The following CHD7 variants were observed in gnomAD, a reference collection of about 807,000 sequenced individuals.
The protein encoded by CHD7 is ATP-dependent chromatin remodeler CHD7.
CHD7 carries 24 observed loss-of-function variants against 307.3 expected under a neutral mutation model. The ratio of observed to expected loss-of-function variants is 0.08; its 90% CI spans 0.06 to 0.11. CHD7 has a LOEUF of 0.11. Among genes scored for constraint, CHD7 ranks in the 10% least tolerant of loss-of-function variants. The probability of loss-of-function intolerance (pLI) is 1.00; values close to 1 mark genes in which losing one functional copy is unlikely to be tolerated. For synonymous variants in CHD7, 1,363 were observed against 1,349.9 expected (o/e 1.01, Z -0.21); for missense variants, 3,106 against 3,727.1 (o/e 0.83, Z 4.34).
intron 1 of CHD7, among the ~76,000 whole-genome samples, chr8:60,694,772 A>G (rs550924765): frequency 6.6e-6 from 1 of 152,220 alleles, no homozygotes; most frequent in African/African-American, 2.4e-5. Context: ...TCTGGGACTC[A>G]GGGAAGATCA....
chr8:60,770,628 T>G (rs1421385005), intron 2 of CHD7, among the ~76,000 whole-genome samples: 1 of 152,244 alleles, frequency 6.6e-6, no homozygotes, highest in Admixed American at 6.5e-5. Context: ...CACAGCTGCT[T>G]AGATATTTTT....
chr8:60,741,292 G>A lies in CHD7; in HGVS notation c.-141G>A, dbSNP rs1563558496. ...TCCAGACTTTGCCTGACACTGCAGG[G>A]TCCAAGAGAATTAAAGAAATATGGA... On this transcript the variant is annotated 5_prime_UTR_variant, in exon 2 of 38. Coordinates refer to ENST00000423902, the MANE Select transcript of CHD7 (RefSeq NM_017780.4). The A allele has an allele frequency of 2.9e-6, 2 of 695,176 alleles. No homozygotes were observed. The highest frequency in any genetic ancestry group is 4.8e-6 in the Non-Finnish European group (2 of 413,818). The allele number at this position is 695,176 out of a possible 1,614,324, so 43.1% of individuals were successfully genotyped here. A position where few individuals can be genotyped will look rare whatever the true frequency, so the allele number is the denominator to read the frequency against.
chr8:60,765,987 T>G (rs1810455328), intron 2 of CHD7, among the ~76,000 whole-genome samples: 1 of 152,128 alleles, frequency 6.6e-6, no homozygotes, highest in South Asian at 2.1e-4. Context: ...CAGAGAGTAG[T>G]GGTGTAGTAG....
chr8:60,748,586 C>G (rs1809449947), intron 2 of CHD7, among the ~76,000 whole-genome samples: 1 of 152,104 alleles, frequency 6.6e-6, no homozygotes, highest in Non-Finnish European at 1.5e-5. Context: ...AAGGAAGGCA[C>G]AGAGCAACAT....
Position 60,867,326 on chromosome 8 carries a change from C to T in CHD7, c.*1393C>T, listed in dbSNP as rs1806272165. On this transcript the variant is annotated 3_prime_UTR_variant, in exon 38 of 38. Transcript: ENST00000423902. ...ACAATGCGGTAGTGTCAGCAAGGGACACAAAGGCACTCTGGTGTCCTGCAG... is the reference window on the plus strand; with the variant it reads ...ACAATGCGGTAGTGTCAGCAAGGGATACAAAGGCACTCTGGTGTCCTGCAG... The T allele has an allele frequency of 6.6e-6, 1 of 152,194 alleles. No homozygotes were observed. The highest frequency in any genetic ancestry group is 1.5e-5 in the Non-Finnish European group (1 of 68,022). The allele number at this position is 152,194 out of a possible 1,614,324, so 9.4% of individuals were successfully genotyped here.
intron 1 of CHD7, among the ~76,000 whole-genome samples, chr8:60,720,168 T>G (rs923293058): frequency 5.3e-5 from 8 of 152,196 alleles, no homozygotes; most frequent in Non-Finnish European, 1.0e-4. Flanking sequence ...TGTGTCCTGT[T>G]CCATATAACT....
At chr8:60,777,986 T>C (rs779812504) in intron 2 of CHD7, among the ~76,000 whole-genome samples, 1 of 151,924 alleles carries the variant, frequency 6.6e-6, no homozygotes, top group Non-Finnish European at 1.5e-5. Context: ...CATGGTAATA[T>C]CAGATGTTAA....
At chr8:60,787,446 T>C (rs1480075100) in intron 3 of CHD7, among the ~76,000 whole-genome samples, 1 of 152,222 alleles carries the variant, frequency 6.6e-6, no homozygotes, top group African/African-American at 2.4e-5. Flanking sequence ...CTTGGAAAGA[T>C]ACACTATGAT....
chr8:60,746,317 A>G (rs1250656756), intron 2 of CHD7, among the ~76,000 whole-genome samples: 1 of 152,274 alleles, frequency 6.6e-6, no homozygotes, highest in African/African-American at 2.4e-5. Context: ...ATTTGTGCAA[A>G]TATTATCCCC....
rs1809133435 is a variant in CHD7, at chr8:60,742,976, C to T, written c.1544C>T (p.Pro515Leu). 6.2e-7 allele frequency: 1 copy of T among 1,613,720 alleles called. No individual in the cohort carries two copies. The highest frequency in any genetic ancestry group is 1.1e-5 in the South Asian group (1 of 91,018). Residue 515 changes from proline to leucine, a missense_variant, in exon 2 of 38, where the codon CCT becomes CTT. By Grantham distance (98) the Pro-to-Leu change is moderately conservative. Coordinates refer to ENST00000423902, the MANE Select transcript of CHD7 (RefSeq NM_017780.4). ...TCTTTTCAGCAGTTGCCAACCTGTC[C>T]TCCACTGCAGCCTCACCCGGGCTTG... ...QPSFQQLPTC[P>L]PLQPHPGLHH...
rs1215319146 is a variant in CHD7 at position 60,741,474 on chromosome 8, G to A, written c.42G>A (p.Gly14=). The A allele has an allele frequency of 8.1e-6, 13 of 1,611,632 alleles. No homozygotes were observed. Among genetic ancestry groups the A allele is most frequent in the African/African-American group, 6.7e-5 (5 of 74,982 alleles). Residue 14 remains glycine, a synonymous_variant, in exon 2 of 38, where the codon GGG becomes GGA. Coordinates refer to ENST00000423902, the MANE Select transcript of CHD7 (RefSeq NM_017780.4). ...PGMMSLFGED[G]NIFSEGLEGL... ...TGATGAGTCTTTTTGGCGAGGATGGGAATATTTTCAGTGAAGGTCTTGAAG... is the reference window on the plus strand; with the variant it reads ...TGATGAGTCTTTTTGGCGAGGATGGAAATATTTTCAGTGAAGGTCTTGAAG...
intron 3 of CHD7, among the ~76,000 whole-genome samples, chr8:60,785,362 A>C (rs1459031937): frequency 1.3e-5 from 2 of 152,234 alleles, no homozygotes; most frequent in African/African-American, 4.8e-5. Context: ...TATTAAACTT[A>C]GTAGAAAACT....
At position 60,741,712 on chromosome 8, in the gene CHD7, C is replaced by T. The variant is rs1809027409; in HGVS notation, c.280C>T (p.Pro94Ser). ...DQPNRMMSNTPGNGLASPHSQ... is the reference protein window; with the variant it reads ...DQPNRMMSNTSGNGLASPHSQ... ...GCCGAACAGAATGATGAGCAACACC[C>T]CTGGGAACGGACTCGCGTCTCCGCA... Residue 94 changes from proline (P) to serine (S), a missense_variant, in exon 2 of 38, where the codon CCT (proline) becomes TCT (serine). Physicochemically the swap from Pro to Ser is moderately conservative, Grantham distance 74. Around this residue, in one of 10 missense-constraint regions of CHD7, gnomAD observed 998 missense variants for 1,004.5 expected, o/e 0.99. Coordinates refer to ENST00000423902, the MANE Select transcript of CHD7 (RefSeq NM_017780.4). 4.3e-6 allele frequency: 7 copies of T among 1,613,944 alleles called. No homozygotes were observed. In the East Asian group the frequency reaches 1.6e-4, roughly 36 times the overall value.
chr8:60,795,699 G>A (rs552237210), intron 4 of CHD7, among the ~76,000 whole-genome samples: 1 of 152,216 alleles, frequency 6.6e-6, no homozygotes, highest in African/African-American at 2.4e-5. Flanking sequence ...ATAGGAATGA[G>A]TTGAAATGCT....
chr8:60,749,774 T>C (rs1809538415), intron 2 of CHD7, among the ~76,000 whole-genome samples: 1 of 152,236 alleles, frequency 6.6e-6, no homozygotes, highest in Non-Finnish European at 1.5e-5. Context: ...GGCCCACTGC[T>C]AGTTCTTCAT....
intron 2 of CHD7, among the ~76,000 whole-genome samples, chr8:60,776,105 T>A (rs1485360169): frequency 6.6e-6 from 1 of 152,236 alleles, no homozygotes; most frequent in Non-Finnish European, 1.5e-5. Flanking sequence ...CCTGTTTTTA[T>A]GTGACACATT....
chr8:60,685,423 C>T (rs1805833322), intron 1 of CHD7, among the ~76,000 whole-genome samples: 1 of 152,148 alleles, frequency 6.6e-6, no homozygotes, highest in Non-Finnish European at 1.5e-5. Context: ...GTAACCAGAC[C>T]TTGGCACATT....
At chr8:60,862,698 C>G in intron 37 of CHD7, 46 bp downstream of exon 37, 1 of 1,320,672 alleles carries the variant, frequency 7.6e-7, no homozygotes, top group Non-Finnish European at 1.1e-6. Flanking sequence ...CTATACAAAA[C>G]TGTTTTCCTT....
intron 36 of CHD7, 35 bp from the exon 37 acceptor site, chr8:60,862,513 G>C (rs1343184263): frequency 2.0e-6 from 3 of 1,533,668 alleles, no homozygotes; most frequent in Non-Finnish European, 2.7e-6. Context: ...AGGGAAGACT[G>C]TGTTTTTAAT....
Sources: allele counts gnomAD v4.1 joint callset (sites outside exome capture counted in the v4.1 genomes callset), GRCh38; gene constraint gnomAD v4.1.1; regional missense constraint gnomAD v4.1.1; transcripts MANE v1.5; gene names NCBI Gene and HGNC (gene_info 2026-07-23, HGNC 2026-07-21).